The following CHL1 variants were observed in gnomAD, a reference collection of about 807,000 sequenced individuals.
CHL1 encodes neural cell adhesion molecule L1-like protein.
CHL1 carries 96 observed loss-of-function variants against 141.9 expected under a neutral mutation model. The observed-to-expected ratio is 0.68, with a 90% CI of 0.57 to 0.80. The LOEUF is 0.80. CHL1 is among the 30% of genes least tolerant of loss of function. CHL1 has a pLI of 0.00. For synonymous variants in CHL1, 613 were observed against 502.2 expected (o/e 1.22, Z -2.95); for missense variants, 1,820 against 1,457.2 (o/e 1.25, Z -4.05).
intron 10 of CHL1, among the ~76,000 whole-genome samples, chr3:352,517 T>A (rs917773639): frequency 3.9e-5 from 6 of 152,192 alleles, no homozygotes; most frequent in African/African-American, 1.4e-4. Flanking sequence ...AGTTTCAACA[T>A]AAGCAATTTT....
chr3:219,575 A>G (rs1420191863), intron 1 of CHL1, among the ~76,000 whole-genome samples: 1 of 152,214 alleles, frequency 6.6e-6, no homozygotes, highest in Admixed American at 6.5e-5. Context: ...ATCCTTAGCA[A>G]ACTAATGCAG....
At chr3:391,912 C>T (rs567961555) in intron 23 of CHL1, 115 bp downstream of exon 23, 65 of 813,498 alleles carry the variant, frequency 8.0e-5, no homozygotes, top group African/African-American at 7.1e-4. Context: ...TGTAAGCTGC[C>T]GTTCTTCCTT....
chr3:382,081 G>A lies in CHL1; in HGVS notation c.1877-98G>A, dbSNP rs947815957. The A allele has an allele frequency of 9.3e-6, 9 of 971,890 alleles. No individual in the cohort carries two copies. The Admixed American group carries it at 1.7e-4, about 18-fold the overall frequency. The allele number at this position is 971,890 out of a possible 1,614,324, so 60.2% of individuals were successfully genotyped here. A position where few individuals can be genotyped will look rare whatever the true frequency, so the allele number is the denominator to read the frequency against. On this transcript the variant is annotated intron_variant, in intron 16 of 27. Transcript: ENST00000256509. ...TGCTTCCCAGGTCCCTAAGAGGGTGGTACCTCCTCTGTCTCCGGGTAGCTG... is the reference window on the plus strand; with the variant it reads ...TGCTTCCCAGGTCCCTAAGAGGGTGATACCTCCTCTGTCTCCGGGTAGCTG...
intron 2 of CHL1, among the ~76,000 whole-genome samples, chr3:305,788 ATCT>A (rs2124938859): frequency 6.6e-6 from 1 of 151,982 alleles, no homozygotes; most frequent in African/African-American, 2.4e-5. Context: ...GGGTTGTATA[ATCT>A]TCAAATTTTT....
At chr3:287,703 T>C (rs1301547814) in intron 2 of CHL1, among the ~76,000 whole-genome samples, 2 of 152,142 alleles carry the variant, frequency 1.3e-5, no homozygotes, top group East Asian at 3.8e-4. Context: ...AAGCATCAAA[T>C]ATACCAAAAA....
At chr3:281,789 G>T (rs1479121763) in intron 2 of CHL1, among the ~76,000 whole-genome samples, 2 of 151,958 alleles carry the variant, frequency 1.3e-5, no homozygotes, top group Non-Finnish European at 2.9e-5. Context: ...TGAACTCCTG[G>T]CCTCAAGTGA....
intron 23 of CHL1, among the ~76,000 whole-genome samples, chr3:392,926 T>C (rs1273244957): frequency 6.7e-6 from 1 of 149,430 alleles, no homozygotes; most frequent in African/African-American, 2.4e-5. Context: ...AGAAATGTAC[T>C]ATCACTATTT....
chr3:362,104 A>G (rs922162659), intron 13 of CHL1, among the ~76,000 whole-genome samples: 1 of 152,206 alleles, frequency 6.6e-6, no homozygotes, highest in African/African-American at 2.4e-5. Context: ...TTGGTTTTTC[A>G]TTATGAGGTA....
At chr3:326,102 G>A (rs371898126) in intron 4 of CHL1, 38 bp downstream of exon 4, 50 of 1,275,616 alleles carry the variant, frequency 3.9e-5, no homozygotes, top group Middle Eastern at 1.9e-4. Context: ...CTTTAAATGC[G>A]TGCTGTTCTT....
At position 405,722 on chromosome 3, in the gene CHL1, T is replaced by C; in HGVS notation, c.*11T>C. 2 of 1,598,686 alleles carry C rather than the reference T, an allele frequency of 1.3e-6. No individual in the cohort carries two copies. Among genetic ancestry groups the C allele is most frequent in the African/African-American group, 1.3e-5 (1 of 74,638 alleles). ...CCCCTTCGGGCATAAACACAACATA[T>C]GTAAGCAACGCTACTGGTTCACCCC... On this transcript the variant is annotated 3_prime_UTR_variant, in exon 28 of 28. Transcript: ENST00000256509.
chr3:340,959 T>C, intron 6 of CHL1, 43 bp downstream of exon 6: 1 of 1,568,936 alleles, frequency 6.4e-7, no homozygotes, highest in Non-Finnish European at 8.7e-7. Context: ...GACATTTTAA[T>C]TCTATCCATC....
intron 1 of CHL1, among the ~76,000 whole-genome samples, chr3:199,954 T>C (rs1698764792): frequency 6.6e-6 from 1 of 152,182 alleles, no homozygotes; most frequent in Non-Finnish European, 1.5e-5. Flanking sequence ...GGAATGATTG[T>C]CAGGAAATAC....
intron 9 of CHL1, among the ~76,000 whole-genome samples, chr3:348,314 C>T (rs1575130597): frequency 6.6e-6 from 1 of 152,110 alleles, no homozygotes; most frequent in African/African-American, 2.4e-5. Context: ...TTAGAACTCA[C>T]CAAATAACCT....
chr3:254,472 T>C (rs1214010286), intron 2 of CHL1, among the ~76,000 whole-genome samples: 3 of 152,184 alleles, frequency 2.0e-5, no homozygotes, highest in African/African-American at 7.2e-5. Flanking sequence ...AGGTATTTTC[T>C]AGGGTCTTAA....
chr3:340,455 C>T (rs1702264847), intron 5 of CHL1, among the ~76,000 whole-genome samples: 1 of 152,122 alleles, frequency 6.6e-6, no homozygotes, highest in African/African-American at 2.4e-5. Flanking sequence ...AAAAAGATTT[C>T]ACATCTATCA....
chr3:219,224 G>A (rs536656555), intron 1 of CHL1, among the ~76,000 whole-genome samples: 28 of 152,036 alleles, frequency 1.8e-4, no homozygotes, highest in Non-Finnish European at 3.4e-4. Flanking sequence ...CACTGTTAGC[G>A]GGGGTGTAAA....
chr3:204,566 G>A (rs762328404), intron 1 of CHL1, among the ~76,000 whole-genome samples: 2 of 152,174 alleles, frequency 1.3e-5, no homozygotes, highest in East Asian at 1.9e-4. Flanking sequence ...GATCTGTTGC[G>A]GTTAGAGTTG....
chr3:352,345 G>T (rs1703341907), intron 10 of CHL1, among the ~76,000 whole-genome samples: 1 of 152,008 alleles, frequency 6.6e-6, no homozygotes, highest in Non-Finnish European at 1.5e-5. Flanking sequence ...TGTTCTATAG[G>T]TACCAAGTTT....
intron 15 of CHL1, among the ~76,000 whole-genome samples, chr3:376,716 AG>A (rs1462261043): frequency 1.3e-5 from 2 of 152,234 alleles, no homozygotes; most frequent in African/African-American, 4.8e-5. Flanking sequence ...AAAAATTGTC[AG>A]GATATGCAGT....
Sources: gnomAD v4.1 joint callset for allele counts (sites outside exome capture counted in the v4.1 genomes callset) on GRCh38, gnomAD v4.1.1 for gene constraint, MANE v1.5 for transcripts, NCBI Gene and HGNC (gene_info 2026-07-23, HGNC 2026-07-21) for gene names.